The following STK39 variants were observed in gnomAD, a reference collection of about 807,000 sequenced individuals.
STK39 encodes serine/threonine kinase 39, also known as STE20/SPS1-related proline-alanine-rich protein kinase.
STK39 carries 20 observed loss-of-function variants against 77.8 expected under a neutral mutation model. The ratio of observed to expected loss-of-function variants is 0.26; its 90% CI spans 0.18 to 0.37. STK39 has a LOEUF of 0.37. Ranked by LOEUF, STK39 falls within the 10% of genes least tolerant of loss-of-function variation. The pLI is 1.00. For missense variants in STK39, 479 were observed against 656.5 expected, an observed-to-expected ratio of 0.73 and a Z score of 2.95; for synonymous variants, 246 against 234.1, an observed-to-expected ratio of 1.05 and a Z score of -0.47.
At chr2:167,963,638 T>A (rs530616819) in intron 17 of STK39, among the ~76,000 whole-genome samples, 15 of 152,282 alleles carry the variant, frequency 9.9e-5, no homozygotes, top group African/African-American at 3.6e-4. Flanking sequence ...TACTTTCTTA[T>A]CAAAGCAAAA....
At chr2:168,226,054 A>C (rs559423380) in intron 1 of STK39, among the ~76,000 whole-genome samples, 1 of 152,330 alleles carries the variant, frequency 6.6e-6, no homozygotes, top group South Asian at 2.1e-4. Context: ...GTGAGCCAAA[A>C]TTCTGACTAA....
chr2:168,205,833 A>T (rs1463328329), intron 1 of STK39, among the ~76,000 whole-genome samples: 1 of 152,120 alleles, frequency 6.6e-6, no homozygotes, highest in African/African-American at 2.4e-5. Flanking sequence ...AAAATAATTT[A>T]AAAATAAAGA....
At chr2:167,993,566 G>C (rs567470263) in intron 16 of STK39, among the ~76,000 whole-genome samples, 104 of 152,290 alleles carry the variant, frequency 6.8e-4, no homozygotes, top group Middle Eastern at 3.4e-3. Flanking sequence ...CAACACTGTG[G>C]AGAGCCGGGC....
intron 1 of STK39, among the ~76,000 whole-genome samples, chr2:168,216,089 C>T (rs1412689689): frequency 6.6e-6 from 1 of 152,086 alleles, no homozygotes; most frequent in Admixed American, 6.5e-5. Flanking sequence ...TGAGGAGAAA[C>T]CTCACATTGG....
At chr2:168,182,118 G>A (rs745657724) in intron 1 of STK39, 28 bp from the exon 2 acceptor site, 35 of 1,575,796 alleles carry the variant, frequency 2.2e-5, no homozygotes, top group East Asian at 4.5e-5. Flanking sequence ...CAACATCAGC[G>A]ATCAAATGGC....
At chr2:167,988,818 T>C (rs1683625644) in intron 16 of STK39, among the ~76,000 whole-genome samples, 2 of 152,196 alleles carry the variant, frequency 1.3e-5, no homozygotes, top group Non-Finnish European at 1.5e-5. Context: ...AACATGCCTC[T>C]AGAAAGCATA....
At chr2:167,963,227 A>G (rs1276295030) in intron 17 of STK39, among the ~76,000 whole-genome samples, 1 of 152,134 alleles carries the variant, frequency 6.6e-6, no homozygotes, top group Non-Finnish European at 1.5e-5. Context: ...TAAGAAACAT[A>G]TAAGCTGATT....
At chr2:168,076,080 T>C (rs1686070076) in intron 10 of STK39, among the ~76,000 whole-genome samples, 1 of 152,140 alleles carries the variant, frequency 6.6e-6, no homozygotes, top group South Asian at 2.1e-4. Context: ...TTTACTAAGA[T>C]GTAATTAAAC....
chr2:168,183,777 C>G (rs1406978317), intron 1 of STK39, among the ~76,000 whole-genome samples: 1 of 152,212 alleles, frequency 6.6e-6, no homozygotes, highest in Non-Finnish European at 1.5e-5. Flanking sequence ...CCAGGTCCCA[C>G]TAGTTTGGCT....
chr2:168,187,314 G>A (rs1318436285), intron 1 of STK39, among the ~76,000 whole-genome samples: 2 of 151,300 alleles, frequency 1.3e-5, no homozygotes, highest in East Asian at 1.9e-4. Flanking sequence ...TCATGCCACT[G>A]CACTCCAGCC....
At chr2:168,043,848 T>A (rs1685170446) in intron 14 of STK39, among the ~76,000 whole-genome samples, 1 of 152,226 alleles carries the variant, frequency 6.6e-6, no homozygotes, top group Non-Finnish European at 1.5e-5. Flanking sequence ...TTATTTGCAC[T>A]CAGGAGGCTG....
chr2:168,200,097 G>A (rs1689575759), intron 1 of STK39, among the ~76,000 whole-genome samples: 2 of 152,056 alleles, frequency 1.3e-5, no homozygotes, highest in Admixed American at 6.6e-5. Flanking sequence ...ATAATGTTCC[G>A]TTTTCCATTC....
chr2:168,228,629 A>C (rs1690367966), intron 1 of STK39, among the ~76,000 whole-genome samples: 1 of 152,006 alleles, frequency 6.6e-6, no homozygotes, highest in Admixed American at 6.6e-5. Flanking sequence ...CATCTCTATT[A>C]AAAATACAAA....
rs180695265 is a variant in STK39 at position 168,125,602 on chromosome 2, A to G, written c.1089+3939T>C. Among the ~76,000 whole-genome samples, 624 of 152,304 alleles carry G rather than the reference A, an allele frequency of 4.1e-3. 5 individuals carry two copies. The highest frequency in any genetic ancestry group is 0.014 in the African/African-American group (598 of 41,560). ...GCCTGGGCCCCTCAGACTAGAGCCA[A>G]AGAAAATCAAGATGATCCCTAAACA... On this transcript the variant is annotated intron_variant, in intron 10 of 17. Coordinates refer to ENST00000355999, the MANE Select transcript of STK39 (RefSeq NM_013233.3).
intron 10 of STK39, among the ~76,000 whole-genome samples, chr2:168,114,554 GA>G (rs373591924): frequency 6.5e-4 from 99 of 152,288 alleles, no homozygotes; most frequent in Middle Eastern, 3.4e-3. Flanking sequence ...GTGATTACAT[GA>G]GGTTCAAAAC....
intron 5 of STK39, among the ~76,000 whole-genome samples, chr2:168,146,843 A>C (rs1172121999): frequency 1.3e-5 from 2 of 152,216 alleles, no homozygotes; most frequent in African/African-American, 4.8e-5. Flanking sequence ...GAGAGGTTGG[A>C]AATGGAGAGG....
intron 17 of STK39, among the ~76,000 whole-genome samples, chr2:167,955,961 A>G (rs898350455): frequency 6.6e-6 from 1 of 152,228 alleles, no homozygotes; most frequent in African/African-American, 2.4e-5. Context: ...TGAGAACAAC[A>G]TGAAAATAAG....
At chr2:168,041,717 T>G (rs1220830609) in intron 14 of STK39, among the ~76,000 whole-genome samples, 3 of 152,196 alleles carry the variant, frequency 2.0e-5, no homozygotes, top group African/African-American at 7.2e-5. Flanking sequence ...CTAAAAACAT[T>G]TCCTTAACTT....
chr2:168,041,546 A>C (rs1685108026), intron 14 of STK39, among the ~76,000 whole-genome samples: 1 of 152,112 alleles, frequency 6.6e-6, no homozygotes, highest in Admixed American at 6.5e-5. Context: ...CGTCTGTCTA[A>C]GTGACATCAG....
Sources: gnomAD v4.1 joint callset for allele counts (sites outside exome capture counted in the v4.1 genomes callset) on GRCh38, gnomAD v4.1.1 for gene constraint, MANE v1.5 for transcripts, NCBI Gene and HGNC (gene_info 2026-07-23, HGNC 2026-07-21) for gene names.